Variants in MAGI3 observed in about 807,000 individuals in gnomAD.
The protein encoded by MAGI3 is membrane associated guanylate kinase, WW and PDZ domain containing 3.
In MAGI3, 43 loss-of-function variants were observed where a neutral mutation model predicts 121.8. That is an observed-to-expected ratio of 0.35 (90% CI 0.28 to 0.46). MAGI3 has a LOEUF of 0.46. MAGI3 is among the 20% of genes least tolerant of loss of function. The probability of loss-of-function intolerance (pLI) is 1.00; values close to 1 mark genes in which losing one functional copy is unlikely to be tolerated. For synonymous variants in MAGI3, 553 were observed against 639.3 expected, an observed-to-expected ratio of 0.86 and a Z score of 2.04; for missense variants, 1,547 against 1,797.3, an observed-to-expected ratio of 0.86 and a Z score of 2.52.
At chr1:113,682,782 T>C in intron 20 of MAGI3, 115 bp from the exon 21 acceptor site, 5 of 1,444,006 alleles carry the variant, frequency 3.5e-6, no homozygotes, top group South Asian at 3.2e-5. Context: ...CTGTATAAAA[T>C]ACTCAGGCTT....
intron 1 of MAGI3, among the ~76,000 whole-genome samples, chr1:113,539,353 A>G (rs1180544423): frequency 1.3e-5 from 2 of 151,582 alleles, no homozygotes; most frequent in Non-Finnish European, 2.9e-5. Context: ...AGATCACGCC[A>G]CTGCACTCCA....
intron 1 of MAGI3, among the ~76,000 whole-genome samples, chr1:113,437,922 C>T (rs7416436): frequency 9.3e-5 from 1 of 10,712 alleles, no homozygotes; most frequent in Admixed American, 1.3e-3. Flanking sequence ...TTCTCCTTCT[C>T]CTCCTTCTCC....
chr1:113,587,492 A>G (rs1206850096), intron 4 of MAGI3, among the ~76,000 whole-genome samples: 1 of 152,176 alleles, frequency 6.6e-6, no homozygotes, highest in Non-Finnish European at 1.5e-5. Context: ...CACCGTGCCC[A>G]GCCTGTGTAT....
At chr1:113,592,784 A>T (rs1391766249) in intron 5 of MAGI3, among the ~76,000 whole-genome samples, 2 of 152,094 alleles carry the variant, frequency 1.3e-5, no homozygotes, top group African/African-American at 4.8e-5. Context: ...AGGCCGAGGC[A>T]GGCGGATTAT....
At chr1:113,583,209 A>C (rs1425874301) in intron 3 of MAGI3, among the ~76,000 whole-genome samples, 1 of 151,818 alleles carries the variant, frequency 6.6e-6, no homozygotes, top group Non-Finnish European at 1.5e-5. Flanking sequence ...GGTTTGTTAC[A>C]TATGTATACA....
chr1:113,479,433 C>T (rs897564486), intron 1 of MAGI3, among the ~76,000 whole-genome samples: 2 of 152,190 alleles, frequency 1.3e-5, no homozygotes, highest in Non-Finnish European at 2.9e-5. Flanking sequence ...ATCTCATTCT[C>T]TCCTGGCATG....
rs1345868348 is a variant in MAGI3, at chr1:113,394,330, A to G, written c.316+2981A>G. On this transcript the variant is annotated intron_variant, in intron 1 of 20. Transcript: ENST00000307546. Reference sequence around the variant, plus strand: ...TTAGTAGTCAGTACTTTGCCCGCTTATAGAAGAATCTTTGGTTTCACCTAT... The same window carrying G: ...TTAGTAGTCAGTACTTTGCCCGCTTGTAGAAGAATCTTTGGTTTCACCTAT... 2.6e-5 allele frequency among the ~76,000 whole-genome samples: 4 copies of G among 152,208 alleles called. No individual in the cohort carries two copies. In the South Asian group the frequency reaches 6.2e-4, roughly 24 times the overall value.
rs758011414 is a variant in MAGI3 at position 113,651,070 on chromosome 1, C to A, written c.2304C>A (p.Arg768=). The A allele has an allele frequency of 3.1e-6, 5 of 1,614,084 alleles. No individual in the cohort carries two copies. Among genetic ancestry groups the A allele is most frequent in the Non-Finnish European group, 4.2e-6 (5 of 1,180,000 alleles). The change falls in exon 14 of 21, where the codon CGC becomes CGA. Residue 768 remains arginine (R), a synonymous_variant. Coordinates refer to ENST00000307546, the MANE Select transcript of MAGI3 (RefSeq NM_001142782.2). The stretch of plus-strand genomic sequence containing the variant: ...CAGCTGAGAAAGATGGTCGGCTCCG[C>A]GCAGCTGATGAACTAATGTGCATTG... The part of the protein sequence containing the change: ...LGAAEKDGRL[R]AADELMCIDG...
chr1:113,630,572 A>G (rs1651562024), intron 9 of MAGI3, among the ~76,000 whole-genome samples: 1 of 152,178 alleles, frequency 6.6e-6, no homozygotes, highest in Admixed American at 6.5e-5. Context: ...GGTCACGCCT[A>G]AAGCCAGCAT....
At chr1:113,478,675 G>A (rs942045143) in intron 1 of MAGI3, among the ~76,000 whole-genome samples, 1 of 152,212 alleles carries the variant, frequency 6.6e-6, no homozygotes, top group Non-Finnish European at 1.5e-5. Context: ...CTACTGGGAG[G>A]TGTCTCCCAG....
At chr1:113,511,117 G>A (rs1051701567) in intron 1 of MAGI3, among the ~76,000 whole-genome samples, 2 of 152,210 alleles carry the variant, frequency 1.3e-5, no homozygotes, top group African/African-American at 2.4e-5. Flanking sequence ...ATTGGGTGCA[G>A]TTGCAGGGTT....
At position 113,683,691 on chromosome 1, in the gene MAGI3, A is replaced by C. The variant is rs200352738; in HGVS notation, c.4123A>C (p.Thr1375Pro). 1 of 1,602,448 alleles carries C rather than the reference A, an allele frequency of 6.2e-7. No homozygotes were observed. The highest frequency in any genetic ancestry group is 1.3e-5 in the African/African-American group (1 of 74,538). ...TCCATCCAAAATGACTAATAAGACT[A>C]CAAGTAAAGAAGTATCTGAAAATGA... ...SLPSKMTNKTTSKEVSENEKG... is the reference protein window; with the variant it reads ...SLPSKMTNKTPSKEVSENEKG... The change falls in exon 21 of 21, where the codon ACA becomes CCA. Residue 1375 changes from threonine (T) to proline (P), a missense_variant. By Grantham distance (38) the Thr-to-Pro change is conservative. Coordinates refer to ENST00000307546, the MANE Select transcript of MAGI3 (RefSeq NM_001142782.2).
intron 1 of MAGI3, among the ~76,000 whole-genome samples, chr1:113,493,431 A>G (rs1463715929): frequency 1.3e-5 from 2 of 152,224 alleles, no homozygotes; most frequent in Admixed American, 1.3e-4. Context: ...AAACGTTGGA[A>G]GACAACGTAG....
intron 1 of MAGI3, among the ~76,000 whole-genome samples, chr1:113,486,614 C>T (rs537743483): frequency 6.9e-5 from 10 of 145,746 alleles, no homozygotes; most frequent in African/African-American, 2.3e-4. Flanking sequence ...AGTTTATATA[C>T]TTTCTTGTGA....
In MAGI3 at chr1:113,434,117, A is replaced by T. The variant is rs942371488; in HGVS notation, c.316+42768A>T. Among the ~76,000 whole-genome samples the T allele has an allele frequency of 1.4e-4, 22 of 152,276 alleles. No individual in the cohort carries two copies. In the East Asian group the frequency reaches 4.2e-3, roughly 29 times the overall value. On this transcript the variant is annotated intron_variant, in intron 1 of 20. Coordinates refer to ENST00000307546, the MANE Select transcript of MAGI3 (RefSeq NM_001142782.2). ...TGTACCCTGGTAGCTGTACTATGCTACCCAGAAGATACCAGATTATCTTCT... is the reference window on the plus strand; with the variant it reads ...TGTACCCTGGTAGCTGTACTATGCTTCCCAGAAGATACCAGATTATCTTCT...
In MAGI3 at chr1:113,659,175, C is replaced by A. The variant is rs1422052187; in HGVS notation, c.2725C>A (p.Gln909Lys). The change falls in exon 16 of 21, where the codon CAG becomes AAG. Residue 909 changes from glutamine to lysine, a missense_variant. By Grantham distance (53) the Gln-to-Lys change is moderately conservative. Coordinates refer to ENST00000307546, the MANE Select transcript of MAGI3 (RefSeq NM_001142782.2). ...AGATCATATCTCTGCAGTGAATGGGCAGTCCATTGTTGAACTGTCTCATGA... is the reference window on the plus strand; with the variant it reads ...AGATCATATCTCTGCAGTGAATGGGAAGTCCATTGTTGAACTGTCTCATGA... Reference protein sequence around the residue: ...VGDHISAVNGQSIVELSHDNI... With the variant: ...VGDHISAVNGKSIVELSHDNI... 6.2e-7 allele frequency: 1 copy of A among 1,613,898 alleles called. No homozygotes were observed. Among genetic ancestry groups the A allele is most frequent in the Non-Finnish European group, 8.5e-7 (1 of 1,179,962 alleles).
chr1:113,458,882 C>G (rs77813584), intron 1 of MAGI3, among the ~76,000 whole-genome samples: 2 of 152,078 alleles, frequency 1.3e-5, no homozygotes, highest in Non-Finnish European at 2.9e-5. Flanking sequence ...AAATAATTAA[C>G]ACAAGTAAAC....
At chr1:113,552,518 C>T (rs1372064645) in intron 2 of MAGI3, among the ~76,000 whole-genome samples, 1 of 152,144 alleles carries the variant, frequency 6.6e-6, no homozygotes, top group Non-Finnish European at 1.5e-5. Flanking sequence ...TCTAGAGCTT[C>T]CTCTTCCCTT....
chr1:113,476,612 T>G (rs1026279070), intron 1 of MAGI3, among the ~76,000 whole-genome samples: 1 of 152,220 alleles, frequency 6.6e-6, no homozygotes, highest in East Asian at 1.9e-4. Flanking sequence ...TCTGTTCTTT[T>G]ACATTTGCTG....
Sources: allele counts gnomAD v4.1 joint callset (sites outside exome capture counted in the v4.1 genomes callset), GRCh38; gene constraint gnomAD v4.1.1; transcripts MANE v1.5; gene names NCBI Gene and HGNC (gene_info 2026-07-23, HGNC 2026-07-21).